PRIMA1: variants seen among roughly 807,000 people sequenced by gnomAD.
The protein encoded by PRIMA1 is proline-rich membrane anchor 1.
PRIMA1 carries 7 observed loss-of-function variants against 17.5 expected under a neutral mutation model. That is an observed-to-expected ratio of 0.40 (90% CI 0.23 to 0.75). PRIMA1 has a LOEUF of 0.75. Ranked by LOEUF, PRIMA1 falls within the 30% of genes least tolerant of loss-of-function variation. The pLI, the probability that PRIMA1 is intolerant of heterozygous loss-of-function variation, is 0.37. For synonymous variants in PRIMA1, 97 were observed against 77.9 expected (o/e 1.25, Z -1.29); for missense variants, 200 against 201.8 (o/e 0.99, Z 0.05).
chr14:93,786,143 G>T (rs1439363335), intron 2 of PRIMA1, among the ~76,000 whole-genome samples: 1 of 152,122 alleles, frequency 6.6e-6, no homozygotes, highest in Non-Finnish European at 1.5e-5. Flanking sequence ...GTAAACAAAT[G>T]AATCTAAAAA....
intron 3 of PRIMA1, among the ~76,000 whole-genome samples, chr14:93,738,093 G>A (rs144745888): frequency 1.3e-5 from 2 of 152,194 alleles, no homozygotes; most frequent in African/African-American, 4.8e-5. Flanking sequence ...GGTATTTGCC[G>A]CTGTCTCAGT....
At chr14:93,755,525 T>C (rs2076285523) in intron 3 of PRIMA1, among the ~76,000 whole-genome samples, 1 of 152,194 alleles carries the variant, frequency 6.6e-6, no homozygotes, top group African/African-American at 2.4e-5. Context: ...AATGGGGTTC[T>C]TTGTGGTCTT....
chr14:93,732,846 G>A (rs972735915), intron 4 of PRIMA1, among the ~76,000 whole-genome samples: 2 of 152,222 alleles, frequency 1.3e-5, no homozygotes, highest in African/African-American at 4.8e-5. Flanking sequence ...GGGCTGGGAA[G>A]GGAACAGGCC....
intron 3 of PRIMA1, among the ~76,000 whole-genome samples, chr14:93,769,818 T>C (rs928981304): frequency 6.6e-6 from 1 of 152,184 alleles, no homozygotes; most frequent in Non-Finnish European, 1.5e-5. Context: ...CCTTGGATTC[T>C]TGCGAATGTC....
chr14:93,779,239 G>GGGGGGGGGGGGGGGGGGGGGGGGGC lies in PRIMA1; in HGVS notation c.165_166insGCCCCCCCCCCCCCCCCCCCCCCCC (p.Pro56AlafsTer39). 6.8e-7 allele frequency: 1 copy of GGGGGGGGGGGGGGGGGGGGGGGGGC among 1,462,264 alleles called. No individual in the cohort carries two copies. The highest frequency in any genetic ancestry group is 9.2e-7 in the Non-Finnish European group (1 of 1,090,716). The allele number at this position is 1,462,264 out of a possible 1,614,324, so 90.6% of individuals were successfully genotyped here. A position where few individuals can be genotyped will look rare whatever the true frequency, so the allele number is the denominator to read the frequency against. The stretch of plus-strand genomic sequence containing the variant: ...GGCGGCGGGGGCAGCGGGGGAGGGG[G>GGGGGGGGGGGGGGGGGGGGGGGGGC]CCGGCACTGGCAGACGTGTCGGCAG... On this transcript the variant is annotated frameshift_variant, in exon 3 of 5. Coordinates refer to ENST00000393140, the MANE Select transcript of PRIMA1 (RefSeq NM_178013.4). LOFTEE classifies it high-confidence loss of function.
intron 3 of PRIMA1, among the ~76,000 whole-genome samples, chr14:93,756,660 C>T (rs1325831495): frequency 6.6e-6 from 1 of 152,166 alleles, no homozygotes; most frequent in Non-Finnish European, 1.5e-5. Flanking sequence ...GTCCCCCAGC[C>T]CCCTGACTTC....
intron 3 of PRIMA1, among the ~76,000 whole-genome samples, chr14:93,764,234 G>A (rs527816705): frequency 6.6e-6 from 1 of 151,994 alleles, no homozygotes; most frequent in Non-Finnish European, 1.5e-5. Flanking sequence ...AAGCTCTCTG[G>A]CCTCCAACCT....
chr14:93,737,148 AT>A (rs2076154704), intron 4 of PRIMA1, 92 bp downstream of exon 4: 9 of 1,276,560 alleles, frequency 7.1e-6, no homozygotes, highest in South Asian at 1.5e-5. Context: ...AACTTTTATA[AT>A]TTAAAATAAT....
upstream of PRIMA1, chr14:93,788,627 CA>C (rs1225823450): frequency 6.6e-6 from 1 of 152,126 alleles, no homozygotes; most frequent in Non-Finnish European, 1.5e-5. Flanking sequence ...GGCGCTGGAG[CA>C]AAAGTTTGCG....
At chr14:93,731,875 A>C (rs1004363043) in intron 4 of PRIMA1, among the ~76,000 whole-genome samples, 1 of 152,196 alleles carries the variant, frequency 6.6e-6, no homozygotes, top group African/African-American at 2.4e-5. Flanking sequence ...AAAAGGCTTG[A>C]GCATTCAAAA....
chr14:93,764,356 C>T (rs902447595), intron 3 of PRIMA1, among the ~76,000 whole-genome samples: 1 of 151,178 alleles, frequency 6.6e-6, no homozygotes, highest in Non-Finnish European at 1.5e-5. Context: ...GACACCTGCC[C>T]TGGTCGGACA....
chr14:93,766,116 T>G (rs986768454), intron 3 of PRIMA1, among the ~76,000 whole-genome samples: 1 of 152,196 alleles, frequency 6.6e-6, no homozygotes, highest in Non-Finnish European at 1.5e-5. Flanking sequence ...TGGCTGTAGA[T>G]TTTTTTAAAG....
intron 4 of PRIMA1, among the ~76,000 whole-genome samples, chr14:93,723,006 G>C (rs969570613): frequency 3.3e-5 from 5 of 152,088 alleles, no homozygotes; most frequent in African/African-American, 9.7e-5. Flanking sequence ...TGAGAAGGCT[G>C]TTGCTCACTT....
chr14:93,747,934 TGTGA>T (rs1291763542), intron 3 of PRIMA1, among the ~76,000 whole-genome samples: 6 of 70,522 alleles, frequency 8.5e-5, no homozygotes, highest in Non-Finnish European at 1.9e-4. Flanking sequence ...AGTGTGATTA[TGTGA>T]GTGTGTGTGT....
chr14:93,744,988 G>C (rs182469657), intron 3 of PRIMA1, among the ~76,000 whole-genome samples: 3 of 152,116 alleles, frequency 2.0e-5, no homozygotes, highest in Non-Finnish European at 4.4e-5. Flanking sequence ...TAGCCTAAAC[G>C]GGTCTCTTGC....
chr14:93,740,432 C>A (rs917361149), intron 3 of PRIMA1, among the ~76,000 whole-genome samples: 4 of 152,204 alleles, frequency 2.6e-5, no homozygotes, highest in Admixed American at 6.5e-5. Context: ...GCTGGAGAGT[C>A]AGAAATATAG....
rs1213751517 is a variant in PRIMA1, at chr14:93,726,568, A to G, written c.360-5022T>C. ...TACACATGCACAAATCCACATACAC[A>G]CACACTATACACATACACATGTACG... On this transcript the variant is annotated intron_variant, in intron 4 of 4. Coordinates refer to ENST00000393140, the MANE Select transcript of PRIMA1 (RefSeq NM_178013.4). The surrounding 1 kb of genome is among the most constrained non-coding windows in gnomAD (Gnocchi z 4.2). Among the ~76,000 whole-genome samples, 1 of 151,996 alleles carries G rather than the reference A, an allele frequency of 6.6e-6. No individual in the cohort carries two copies. Among genetic ancestry groups the G allele is most frequent in the African/African-American group, 2.4e-5 (1 of 41,330 alleles).
intron 3 of PRIMA1, among the ~76,000 whole-genome samples, chr14:93,761,516 T>C (rs1175654808): frequency 5.3e-5 from 8 of 152,214 alleles, no homozygotes; most frequent in African/African-American, 1.9e-4. Flanking sequence ...CTGATGGTTG[T>C]ACCACAGGAC....
chr14:93,751,898 T>C lies in PRIMA1; in HGVS notation c.230-14528A>G, dbSNP rs1210136240. On this transcript the variant is annotated intron_variant, in intron 3 of 4. Transcript: ENST00000393140. ...CACATGTGGCTACTTAAATTTAAAC[T>C]CCTTAAAATTAGATACATCAAGAAT... Among the ~76,000 whole-genome samples the C allele has an allele frequency of 2.0e-5, 3 of 152,218 alleles. No individual in the cohort carries two copies. The East Asian group carries it at 5.8e-4, about 29-fold the overall frequency.
Sources: allele counts gnomAD v4.1 joint callset (sites outside exome capture counted in the v4.1 genomes callset), GRCh38; gene constraint gnomAD v4.1.1; non-coding constraint Gnocchi (gnomAD v3.1); transcripts MANE v1.5; gene names NCBI Gene and HGNC (gene_info 2026-07-23, HGNC 2026-07-21).